ITPR3: variants seen among roughly 807,000 people sequenced by gnomAD.
The protein encoded by ITPR3 is inositol 1,4,5-trisphosphate-gated calcium channel ITPR3.
ITPR3 carries 173 observed loss-of-function variants against 293.2 expected under a neutral mutation model. The ratio of observed to expected loss-of-function variants is 0.59; its 90% CI spans 0.52 to 0.67. The LOEUF (loss-of-function observed/expected upper bound fraction) is 0.67, where lower values mean the gene tolerates loss of function less well. Ranked by LOEUF, ITPR3 falls within the 30% of genes least tolerant of loss-of-function variation. The probability of loss-of-function intolerance (pLI) is 0.00; values close to 1 mark genes in which losing one functional copy is unlikely to be tolerated. For synonymous variants in ITPR3, 1,295 were observed against 1,444.4 expected (o/e 0.90, Z 2.35); for missense variants, 2,796 against 3,592.1 (o/e 0.78, Z 5.66).
chr6:33,663,596 G>C (rs777369787), intron 10 of ITPR3, 46 bp downstream of exon 10: 1 of 1,596,912 alleles, frequency 6.3e-7, no homozygotes, highest in Admixed American at 1.7e-5. Context: ...GCCTGCCCTG[G>C]GGGTAGGCGG....
intron 2 of ITPR3, among the ~76,000 whole-genome samples, chr6:33,652,927 A>C (rs1018920562): frequency 6.6e-6 from 1 of 150,680 alleles, no homozygotes. Flanking sequence ...TTTAGTTTTT[A>C]GACAGGGTCT....
rs1387840577 is a variant in ITPR3, at chr6:33,688,071, C to G, written c.6279C>G (p.Asn2093Lys). 7.4e-6 allele frequency: 12 copies of G among 1,613,756 alleles called. No individual in the cohort carries two copies. Among genetic ancestry groups the G allele is most frequent in the East Asian group, 2.2e-5 (1 of 44,884 alleles). Residue 2093 changes from asparagine (N) to lysine (K), a missense_variant, in exon 47 of 58, where the codon AAC becomes AAG. By Grantham distance (94) the Asn-to-Lys change is moderately conservative. Coordinates refer to ENST00000605930, the MANE Select transcript of ITPR3 (RefSeq NM_002224.4). ...EGISSMLSLN[N>K]KQLSQMLKSS... is the part of the protein sequence containing the mutation. Reference sequence around the variant, plus strand: ...CCCACCTCCAGCTCAGCCTCAACAACAAGCAGCTGTCACAGATGCTCAAGT... The same window carrying G: ...CCCACCTCCAGCTCAGCCTCAACAAGAAGCAGCTGTCACAGATGCTCAAGT...
rs2274198 is a variant in ITPR3 at position 33,670,880 on chromosome 6, G to A, written c.2586+65G>A. On this transcript the variant is annotated intron_variant, in intron 20 of 57. Transcript: ENST00000605930. This position sits in a 1 kb window ranked among gnomAD's most constrained non-coding sequence, Gnocchi z 6.7. The stretch of plus-strand genomic sequence containing the variant: ...CTCTTGTTGGCCCCACACTGGCCTC[G>A]GTCTTCACCCAGGAGTCGGCTGTGG... The A allele has an allele frequency of 0.35, 545,538 of 1,572,694 alleles. 96,521 individuals carry two copies. The highest frequency in any genetic ancestry group is 0.49 in the East Asian group (21,942 of 44,546).
At chr6:33,630,105 A>G (rs182311764) in intron 1 of ITPR3, among the ~76,000 whole-genome samples, 108 of 152,090 alleles carry the variant, frequency 7.1e-4, no homozygotes, top group African/African-American at 2.5e-3. Flanking sequence ...AAGAAAAACC[A>G]TCGAGATCCT....
In ITPR3 at chr6:33,683,337, C is replaced by T. The variant is rs1227899113; in HGVS notation, c.4728C>T (p.Phe1576=). Residue 1576 remains phenylalanine, a synonymous_variant, in exon 35 of 58, where the codon TTC becomes TTT. Transcript: ENST00000605930. The surrounding 1 kb of genome is among the most constrained non-coding windows in gnomAD (Gnocchi z 4.5). The part of the protein sequence containing the change: ...ASSYKATTRA[F]PRVTPTANQW... Reference sequence around the variant, plus strand: ...GCTACAAGGCAACCACGCGGGCCTTCCCCCGCGTCACCCCCACCGCCAACC... The same window carrying T: ...GCTACAAGGCAACCACGCGGGCCTTTCCCCGCGTCACCCCCACCGCCAACC... 1 of 1,595,360 alleles carries T rather than the reference C, an allele frequency of 6.3e-7. No individual in the cohort carries two copies. Among genetic ancestry groups the T allele is most frequent in the Non-Finnish European group, 8.5e-7 (1 of 1,171,508 alleles).
chr6:33,647,638 T>G (rs1582114963), intron 2 of ITPR3, among the ~76,000 whole-genome samples: 1 of 152,218 alleles, frequency 6.6e-6, no homozygotes. Context: ...ACTGGCTTAT[T>G]TCACTTAGCA....
chr6:33,639,714 A>C (rs543021107), intron 1 of ITPR3, among the ~76,000 whole-genome samples: 2 of 151,898 alleles, frequency 1.3e-5, no homozygotes, highest in South Asian at 4.2e-4. Flanking sequence ...GGGTGGATGG[A>C]TGGGTGCATG....
Position 33,663,791 on chromosome 6 carries a change from C to T in ITPR3, c.1059C>T (p.Cys353=). 6.2e-7 allele frequency: 1 copy of T among 1,614,190 alleles called. No homozygotes were observed. Among genetic ancestry groups the T allele is most frequent in the Non-Finnish European group, 8.5e-7 (1 of 1,180,026 alleles). ...RRNAGEKIKY[C]LVAVPHGNDI... is the part of the protein sequence containing the mutation. ...ATGCTGGGGAGAAGATCAAGTACTG[C>T]CTGGTGGCTGTGCCTCATGGCAATG... Residue 353 remains cysteine (C), a synonymous_variant, in exon 11 of 58, where the codon TGC becomes TGT. Coordinates refer to ENST00000605930, the MANE Select transcript of ITPR3 (RefSeq NM_002224.4).
rs1764785002 is a variant in ITPR3, at chr6:33,672,118, A to G, written c.2818A>G (p.Ser940Gly). The change falls in exon 22 of 58, where the codon AGC (serine) becomes GGC (glycine). Residue 940 changes from serine to glycine, a missense_variant. Coordinates refer to ENST00000605930, the MANE Select transcript of ITPR3 (RefSeq NM_002224.4). The surrounding 1 kb of genome is among the most constrained non-coding windows in gnomAD (Gnocchi z 5.0). ...CAAGCAGTCCGTCTTCAGTGCCCCC[A>G]GCCTGTCTGCTGGGGCCAGTGCTGC... is the stretch of plus-strand genomic sequence containing the variant. ...SRKQSVFSAP[S>G]LSAGASAAEP... The G allele has an allele frequency of 1.2e-6, 2 of 1,613,992 alleles. No individual in the cohort carries two copies. Among genetic ancestry groups the G allele is most frequent in the Non-Finnish European group, 1.7e-6 (2 of 1,179,970 alleles).
rs758294247 is a variant in ITPR3 at position 33,669,148 on chromosome 6, C to T, written c.2181C>T (p.Ser727=). ...ACGCCCACGACGAGAATGTGCTCAG[C>T]TACTACAGGTGCCCCGCCCCAGCTC... is the stretch of plus-strand genomic sequence containing the variant. ...AGNAHDENVL[S]YYRYQLKLFA... Residue 727 remains serine (S), a synonymous_variant, in exon 18 of 58, where the codon AGC becomes AGT. Transcript: ENST00000605930. 3.1e-6 allele frequency: 5 copies of T among 1,613,514 alleles called. No homozygotes were observed. The highest frequency in any genetic ancestry group is 4.2e-6 in the Non-Finnish European group (5 of 1,179,716).
At chr6:33,669,261 G>A in intron 18 of ITPR3, 105 bp downstream of exon 18, 1 of 1,199,624 alleles carries the variant, frequency 8.3e-7, no homozygotes, top group Non-Finnish European at 1.2e-6. Flanking sequence ...GCCTCAGGTG[G>A]GGCTCCTGCC....
rs1765273732 is a variant in ITPR3 at position 33,687,706 on chromosome 6, AT to A, written c.6264+144del. 1.4e-6 allele frequency: 1 copy of A among 702,326 alleles called. No individual in the cohort carries two copies. Among genetic ancestry groups the A allele is most frequent in the African/African-American group, 1.8e-5 (1 of 56,310 alleles). 43.5% of individuals were successfully genotyped at this position (702,326 alleles called of 1,614,324 possible). A position where few individuals can be genotyped will look rare whatever the true frequency, so the allele number is the denominator to read the frequency against. On this transcript the variant is annotated intron_variant, in intron 46 of 57. Transcript: ENST00000605930. This position sits in a 1 kb window ranked among gnomAD's most constrained non-coding sequence, Gnocchi z 5.3. ...TTTGGGGGTACAGCTCAGGGGGCTG[AT>A]TGGGACTGGCAGCCGTGGGTGAAAC...
At chr6:33,631,214 T>C (rs150740181) in intron 1 of ITPR3, among the ~76,000 whole-genome samples, 96 of 152,272 alleles carry the variant, frequency 6.3e-4, no homozygotes, top group African/African-American at 2.1e-3. Context: ...GATGAGAGAT[T>C]GTAATAAATA....
At chr6:33,688,887 A>G in intron 49 of ITPR3, 106 bp downstream of exon 49, 1 of 1,453,636 alleles carries the variant, frequency 6.9e-7, no homozygotes, top group Admixed American at 1.7e-5. Flanking sequence ...CACCAGATGC[A>G]GAGTGTGCAG....
Position 33,683,428 on chromosome 6 carries a change from G to T in ITPR3, c.4788+31G>T. The T allele has an allele frequency of 6.8e-7, 1 of 1,472,648 alleles. No individual in the cohort carries two copies. The highest frequency in any genetic ancestry group is 1.4e-5 in the South Asian group (1 of 71,682). 91.2% of individuals were successfully genotyped at this position (1,472,648 alleles called of 1,614,324 possible). ...TGTGGGGCTGCCTGGCATCTGCCTC[G>T]GGAGCTGCTTGGTTGAGTCAGCAGC... On this transcript the variant is annotated intron_variant, in intron 35 of 57. Coordinates refer to ENST00000605930, the MANE Select transcript of ITPR3 (RefSeq NM_002224.4). This position sits in a 1 kb window ranked among gnomAD's most constrained non-coding sequence, Gnocchi z 4.5.
chr6:33,688,440 C>T lies in ITPR3; in HGVS notation c.6568+9C>T, dbSNP rs1226557351. 43 of 866,694 alleles carry T rather than the reference C, an allele frequency of 5.0e-5. No homozygotes were observed. The highest frequency in any genetic ancestry group is 6.9e-5 in the Non-Finnish European group (42 of 612,974). 53.7% of individuals were successfully genotyped at this position (866,694 alleles called of 1,614,324 possible). A position where few individuals can be genotyped will look rare whatever the true frequency, so the allele number is the denominator to read the frequency against. On this transcript the variant is annotated intron_variant, in intron 48 of 57. Transcript: ENST00000605930. Reference sequence around the variant, plus strand: ...GCAGCGCAAGCTCCGCAGTGAGGACCCACGGGCGGGAGGGTGGGGCGGTCT... The same window carrying T: ...GCAGCGCAAGCTCCGCAGTGAGGACTCACGGGCGGGAGGGTGGGGCGGTCT...
chr6:33,659,938 G>A (rs986615860), intron 7 of ITPR3, among the ~76,000 whole-genome samples: 30 of 152,188 alleles, frequency 2.0e-4, no homozygotes, highest in Admixed American at 1.4e-3. Flanking sequence ...ATTGGCAAGC[G>A]AGTGAGGCTG....
chr6:33,626,464 G>A (rs60648139), intron 1 of ITPR3, among the ~76,000 whole-genome samples: 3,033 of 152,264 alleles, frequency 0.02, 53 homozygotes, highest in African/African-American at 0.043. Context: ...ACCTGGGGCC[G>A]GGATCCCTGA....
rs767856194 is a variant in ITPR3, at chr6:33,691,962, G to A, written c.7458+34G>A. Reference sequence around the variant, plus strand: ...TCCTGCCCACTCCCAAACCTGTGGGGCCCAAGCCACTGTCCAGATCAGCAA... The same window carrying A: ...TCCTGCCCACTCCCAAACCTGTGGGACCCAAGCCACTGTCCAGATCAGCAA... On this transcript the variant is annotated intron_variant, in intron 54 of 57. Coordinates refer to ENST00000605930, the MANE Select transcript of ITPR3 (RefSeq NM_002224.4). This position sits in a 1 kb window ranked among gnomAD's most constrained non-coding sequence, Gnocchi z 4.9. 1 of 1,611,966 alleles carries A rather than the reference G, an allele frequency of 6.2e-7. No homozygotes were observed. Among genetic ancestry groups the A allele is most frequent in the Non-Finnish European group, 8.5e-7 (1 of 1,179,830 alleles).
Sources: allele counts gnomAD v4.1 joint callset (sites outside exome capture counted in the v4.1 genomes callset), GRCh38; gene constraint gnomAD v4.1.1; non-coding constraint Gnocchi (gnomAD v3.1); transcripts MANE v1.5; gene names NCBI Gene and HGNC (gene_info 2026-07-23, HGNC 2026-07-21).